The following SLC38A12 variants were observed in gnomAD, a reference collection of about 807,000 sequenced individuals.
SLC38A12 encodes solute carrier family 38 member 12.
chr17:74,809,252 A>G, the SLC38A12 span, among the ~76,000 whole-genome samples: 1 of 152,166 alleles, frequency 6.6e-6, no homozygotes, highest in African/African-American at 2.4e-5. Flanking sequence ...GGTTTGAGGA[A>G]GGGACCTGGG....
At chr17:74,788,407 C>G in the SLC38A12 span, among the ~76,000 whole-genome samples, 2 of 152,184 alleles carry the variant, frequency 1.3e-5, no homozygotes, top group Non-Finnish European at 2.9e-5. Context: ...CTTCCAGAGG[C>G]TGGGGGGCCC....
chr17:74,779,546 G>T, the SLC38A12 span, among the ~76,000 whole-genome samples: 1 of 152,166 alleles, frequency 6.6e-6, no homozygotes, highest in South Asian at 2.1e-4. Context: ...TAACTCCCCC[G>T]TCCTGGAACA....
At chr17:74,788,520 C>T in the SLC38A12 span, among the ~76,000 whole-genome samples, 7 of 152,324 alleles carry the variant, frequency 4.6e-5, no homozygotes, top group African/African-American at 1.4e-4. Flanking sequence ...CGTCTGCCCC[C>T]AGCTCCCTCT....
the SLC38A12 span, among the ~76,000 whole-genome samples, chr17:74,816,658 A>G: frequency 2.6e-5 from 4 of 152,166 alleles, no homozygotes; most frequent in African/African-American, 4.8e-5. Context: ...GTTATTAGAA[A>G]TCAGAGTTTT....
chr17:74,801,280 G>A, the SLC38A12 span, among the ~76,000 whole-genome samples: 7 of 152,250 alleles, frequency 4.6e-5, no homozygotes, highest in African/African-American at 7.2e-5. Context: ...CTCCCCTCTC[G>A]CCTATGGAGA....
chr17:74,777,456 C>G, the SLC38A12 span: 1 of 1,597,772 alleles, frequency 6.3e-7, no homozygotes, highest in African/African-American at 1.3e-5. Context: ...GGAGATGGGA[C>G]TAGTGAGTGC....
At chr17:74,796,132 G>A in the SLC38A12 span, among the ~76,000 whole-genome samples, 23 of 152,284 alleles carry the variant, frequency 1.5e-4, no homozygotes, top group Non-Finnish European at 3.1e-4. Context: ...AAGAGAAGAC[G>A]ATGAATCTCC....
At chr17:74,825,544 A>T in the SLC38A12 span, among the ~76,000 whole-genome samples, 1 of 152,202 alleles carries the variant, frequency 6.6e-6, no homozygotes, top group Non-Finnish European at 1.5e-5. Context: ...CTGACCTGAG[A>T]GTTCACTTGG....
At chr17:74,819,898 CTCCTT>C in the SLC38A12 span, 8 of 1,535,380 alleles carry the variant, frequency 5.2e-6, no homozygotes, top group Non-Finnish European at 5.4e-6. Context: ...TCCCTTCCCT[CTCCTT>C]TCATGAGAGG....
chr17:74,792,939 C>A, the SLC38A12 span, among the ~76,000 whole-genome samples: 1 of 152,234 alleles, frequency 6.6e-6, no homozygotes, highest in African/African-American at 2.4e-5. Flanking sequence ...AAGTCCCCTT[C>A]CAAATGCAAG....
chr17:74,827,339 A>C, the SLC38A12 span, among the ~76,000 whole-genome samples: 1 of 140,230 alleles, frequency 7.1e-6, no homozygotes. This position sits in a 1 kb window ranked among gnomAD's most constrained non-coding sequence, Gnocchi z 4.7. Flanking sequence ...TCTGTCGCCC[A>C]CACTGGAGTG....
the SLC38A12 span, among the ~76,000 whole-genome samples, chr17:74,812,002 C>G: frequency 6.6e-6 from 1 of 151,564 alleles, no homozygotes; most frequent in Admixed American, 6.6e-5. Context: ...GCTATGATCG[C>G]ACCACTGCAC....
At chr17:74,795,673 C>G in the SLC38A12 span, 4 of 1,522,036 alleles carry the variant, frequency 2.6e-6, no homozygotes, top group Admixed American at 6.7e-5. Flanking sequence ...CCAGCCCAGC[C>G]TGCACAGCTG....
chr17:74,794,369 A>G, the SLC38A12 span, among the ~76,000 whole-genome samples: 1 of 152,146 alleles, frequency 6.6e-6, no homozygotes, highest in Non-Finnish European at 1.5e-5. Context: ...CACCATCCAG[A>G]GTCAGCATTG....
At chr17:74,819,872 G>A in the SLC38A12 span, 1 of 1,594,174 alleles carries the variant, frequency 6.3e-7, no homozygotes, top group Middle Eastern at 1.7e-4. Flanking sequence ...TCGAGTCTCT[G>A]CGCTTTCTCC....
the SLC38A12 span, among the ~76,000 whole-genome samples, chr17:74,819,562 C>G: frequency 6.6e-6 from 1 of 152,236 alleles, no homozygotes; most frequent in African/African-American, 2.4e-5. Context: ...GGCTCTGGAG[C>G]TTTTGTTCCA....
the SLC38A12 span, among the ~76,000 whole-genome samples, chr17:74,787,118 C>G: frequency 6.6e-6 from 1 of 152,140 alleles, no homozygotes; most frequent in Admixed American, 6.5e-5. Context: ...AGAAACCTTT[C>G]TAGGAGGTGC....
At chr17:74,810,179 C>G in the SLC38A12 span, among the ~76,000 whole-genome samples, 1 of 152,172 alleles carries the variant, frequency 6.6e-6, no homozygotes, top group Non-Finnish European at 1.5e-5. Context: ...GCCAGCTTGG[C>G]GTGAGCAGCC....
chr17:74,815,022 T>C, the SLC38A12 span, among the ~76,000 whole-genome samples: 3 of 152,266 alleles, frequency 2.0e-5, no homozygotes, highest in Admixed American at 6.5e-5. Flanking sequence ...GGGAAGATTC[T>C]TTGCCAGCAG....
Sources: gnomAD v4.1 joint callset for allele counts (sites outside exome capture counted in the v4.1 genomes callset) on GRCh38, gnomAD v4.1.1 for gene constraint, Gnocchi (gnomAD v3.1) non-coding constraint, MANE v1.5 for transcripts, NCBI Gene and HGNC (gene_info 2026-07-23, HGNC 2026-07-21) for gene names.